Variants in MYH11 observed in about 807,000 individuals in gnomAD.
MYH11 encodes myosin heavy chain 11, also known as myosin-11.
MYH11 carries 80 observed loss-of-function variants against 246.6 expected under a neutral mutation model. The observed-to-expected ratio is 0.32, with a 90% CI of 0.27 to 0.39. MYH11 has a LOEUF of 0.39. MYH11 is among the 10% of genes least tolerant of loss of function. MYH11 has a pLI of 1.00. For missense variants in MYH11, 2,158 were observed against 2,546.8 expected, an observed-to-expected ratio of 0.85 and a Z score of 3.29; for synonymous variants, 1,071 against 1,015.5, an observed-to-expected ratio of 1.05 and a Z score of -1.04.
intron 24 of MYH11, among the ~76,000 whole-genome samples, 182 bp downstream of exon 24, chr16:15,738,383 C>T (rs1387912232): frequency 6.6e-6 from 1 of 152,004 alleles, no homozygotes; most frequent in East Asian, 1.9e-4. Context: ...TGTGGTGATG[C>T]ACGCCTGTAG....
intron 14 of MYH11, 67 bp from the exon 15 acceptor site, chr16:15,753,575 C>T: frequency 8.5e-7 from 1 of 1,178,444 alleles, no homozygotes; most frequent in Non-Finnish European, 1.3e-6. Flanking sequence ...AGGCCAGGAC[C>T]CCAGCCCTCC....
chr16:15,807,628 G>C (rs532432428), intron 3 of MYH11, among the ~76,000 whole-genome samples: 1 of 152,134 alleles, frequency 6.6e-6, no homozygotes, highest in Admixed American at 6.5e-5. Flanking sequence ...GGGAAGGCTG[G>C]AGCTGGGGGC....
rs529489036 is a variant in MYH11 at position 15,703,355 on chromosome 16, T to C, written c.*636A>G. On this transcript the variant is annotated 3_prime_UTR_variant, in exon 41 of 41. Coordinates refer to ENST00000300036, the MANE Select transcript of MYH11 (RefSeq NM_002474.3). ...GTGAGAAGTTGGAAAGGTTTGCAGG[T>C]TAGGGAATGAATTGGGAGTGGGGGC... The C allele has an allele frequency of 1.0e-3, 243 of 234,256 alleles. No individual in the cohort carries two copies. Among genetic ancestry groups the C allele is most frequent in the African/African-American group, 5.1e-3 (232 of 45,078 alleles). The allele number at this position is 234,256 out of a possible 1,614,324, so 14.5% of individuals were successfully genotyped here. A position where few individuals can be genotyped will look rare whatever the true frequency, so the allele number is the denominator to read the frequency against.
Position 15,726,892 on chromosome 16 carries a change from C to T in MYH11, c.3814G>A (p.Glu1272Lys), listed in dbSNP as rs776252415. The part of the protein sequence containing the change: ...QELQSKCSDG[E>K]RARAELNDKV... Reference sequence around the variant, plus strand: ...TCATTGAGCTCCGCCCGGGCCCGCTCCCCATCGCTGCACTTGGACTGCAGC... The same window carrying T: ...TCATTGAGCTCCGCCCGGGCCCGCTTCCCATCGCTGCACTTGGACTGCAGC... The change falls in exon 28 of 41, where the codon GAG becomes AAG. Residue 1272 changes from glutamate (E) to lysine (K), a missense_variant. Around this residue, in one of 11 missense-constraint regions of MYH11, gnomAD observed 1,013 missense variants for 993.5 expected, o/e 1.02. Coordinates refer to ENST00000300036, the MANE Select transcript of MYH11 (RefSeq NM_002474.3). 1.9e-6 allele frequency: 3 copies of T among 1,612,520 alleles called. No individual in the cohort carries two copies. Among genetic ancestry groups the T allele is most frequent in the Non-Finnish European group, 2.5e-6 (3 of 1,180,008 alleles).
At chr16:15,801,363 A>C (rs2042880183) in intron 3 of MYH11, among the ~76,000 whole-genome samples, 1 of 152,044 alleles carries the variant, frequency 6.6e-6, no homozygotes, top group Non-Finnish European at 1.5e-5. Context: ...TTTTAAAAAG[A>C]CAGATATATA....
At chr16:15,767,524 A>G (rs998462410) in intron 9 of MYH11, among the ~76,000 whole-genome samples, 17 of 151,972 alleles carry the variant, frequency 1.1e-4, no homozygotes, top group Admixed American at 8.5e-4. Flanking sequence ...GTCTCACTAT[A>G]TTGCCCAGGC....
intron 4 of MYH11, among the ~76,000 whole-genome samples, chr16:15,786,938 T>C (rs1008474298): frequency 9.2e-5 from 14 of 152,146 alleles, no homozygotes; most frequent in Admixed American, 3.9e-4. Context: ...GCCCAATCTA[T>C]TCCTTCCAAG....
At chr16:15,769,961 T>C (rs1194537722) in intron 9 of MYH11, among the ~76,000 whole-genome samples, 3 of 152,220 alleles carry the variant, frequency 2.0e-5, no homozygotes, top group Non-Finnish European at 4.4e-5. Flanking sequence ...GTGCCCAGCC[T>C]GTTCCAGTTT....
chr16:15,816,793 C>CAA (rs67390477), intron 3 of MYH11, among the ~76,000 whole-genome samples: 24,956 of 138,344 alleles, frequency 0.18, 2,443 homozygotes, highest in African/African-American at 0.28. Context: ...TGGTAAATAC[C>CAA]AAAAAAAAAA....
chr16:15,777,372 C>G (rs576893661), intron 7 of MYH11, among the ~76,000 whole-genome samples: 2 of 152,154 alleles, frequency 1.3e-5, no homozygotes, highest in Non-Finnish European at 2.9e-5. Flanking sequence ...CTGCCCGCCT[C>G]GGCCTCCCAA....
chr16:15,716,586 ATC>A (rs1435261639), intron 38 of MYH11, among the ~76,000 whole-genome samples: 1 of 152,102 alleles, frequency 6.6e-6, no homozygotes, highest in African/African-American at 2.4e-5. Flanking sequence ...CAGTGGCACA[ATC>A]TCGGCTCACT....
At chr16:15,717,841 C>T (rs773702638) in intron 37 of MYH11, 19 of 259,226 alleles carry the variant, frequency 7.3e-5, no homozygotes, top group Middle Eastern at 1.4e-3. Context: ...CCAGGCTGAG[C>T]GAGTGACTTG....
At chr16:15,833,627 C>A (rs74009453) in intron 2 of MYH11, among the ~76,000 whole-genome samples, 3,899 of 152,236 alleles carry the variant, frequency 0.026, 162 homozygotes, top group African/African-American at 0.088. Context: ...TCTATAGACT[C>A]TTCTAGATCC....
intron 3 of MYH11, among the ~76,000 whole-genome samples, chr16:15,818,522 T>C (rs2043318856): frequency 6.6e-6 from 1 of 152,134 alleles, no homozygotes; most frequent in Non-Finnish European, 1.5e-5. Context: ...AAGCTCCGCC[T>C]CTTGGGTTCA....
intron 9 of MYH11, among the ~76,000 whole-genome samples, chr16:15,769,670 G>T (rs1449446724): frequency 1.3e-5 from 2 of 152,234 alleles, no homozygotes; most frequent in Non-Finnish European, 2.9e-5. Flanking sequence ...CAAGTGATCT[G>T]CCTGCCTTGG....
intron 40 of MYH11, among the ~76,000 whole-genome samples, chr16:15,712,623 C>T (rs539516421): frequency 4.6e-5 from 7 of 152,048 alleles, no homozygotes; most frequent in Non-Finnish European, 7.4e-5. Flanking sequence ...TACCCTGGGG[C>T]GGTCTAGTGG....
intron 26 of MYH11, 69 bp from the exon 27 acceptor site, chr16:15,732,777 G>T (rs1299911052): frequency 1.3e-6 from 2 of 1,587,350 alleles, no homozygotes; most frequent in Non-Finnish European, 1.7e-6. Flanking sequence ...CCGTGCAAAA[G>T]AATGAGAGCT....
At chr16:15,731,036 G>C (rs530529039) in intron 27 of MYH11, among the ~76,000 whole-genome samples, 1 of 151,852 alleles carries the variant, frequency 6.6e-6, no homozygotes, top group Admixed American at 6.6e-5. Flanking sequence ...TTGCCCAGGC[G>C]ATCTGAAAGT....
At chr16:15,710,283 G>T (rs547981787) in intron 40 of MYH11, among the ~76,000 whole-genome samples, 23 of 152,268 alleles carry the variant, frequency 1.5e-4, no homozygotes, top group African/African-American at 5.3e-4. Context: ...AGCACTTTGG[G>T]AGACCGAGGC....
Sources: allele counts gnomAD v4.1 joint callset (sites outside exome capture counted in the v4.1 genomes callset), GRCh38; gene constraint gnomAD v4.1.1; regional missense constraint gnomAD v4.1.1; transcripts MANE v1.5; gene names NCBI Gene and HGNC (gene_info 2026-07-23, HGNC 2026-07-21).